The following TTYH2 variants were observed in gnomAD, a reference collection of about 807,000 sequenced individuals.
The protein encoded by TTYH2 is protein tweety homolog 2.
In TTYH2, 49 loss-of-function variants were observed where a neutral mutation model predicts 68.3. The observed-to-expected ratio is 0.72, with a 90% confidence interval of 0.57 to 0.91. The LOEUF (loss-of-function observed/expected upper bound fraction) is 0.91. TTYH2 is among the 40% of genes least tolerant of loss of function. The pLI is 0.00. For missense variants in TTYH2, 631 were observed against 700.4 expected (o/e 0.90, Z 1.12); for synonymous variants, 272 against 300.8 (o/e 0.90, Z 0.99).
intron 13 of TTYH2, among the ~76,000 whole-genome samples, chr17:74,259,056 G>A (rs2050721062): frequency 6.6e-6 from 1 of 152,056 alleles, no homozygotes; most frequent in Non-Finnish European, 1.5e-5. Context: ...TAGAGTGAAA[G>A]GCCCTCTCCA....
chr17:74,258,674 ATT>A, intron 13 of TTYH2, among the ~76,000 whole-genome samples: 1 of 151,644 alleles, frequency 6.6e-6, no homozygotes, highest in South Asian at 2.1e-4. Flanking sequence ...CCTCAGTGCT[ATT>A]GATGGGCAGC....
At chr17:74,252,419 T>G (rs1332702289) in intron 11 of TTYH2, 43 bp downstream of exon 11, 3 of 1,601,126 alleles carry the variant, frequency 1.9e-6, no homozygotes, top group Non-Finnish European at 2.6e-6. Context: ...CAGCCTGGAG[T>G]TCTGGGAGAG....
At position 74,222,566 on chromosome 17, in the gene TTYH2, T is replaced by C; in HGVS notation, c.211T>C (p.Cys71Arg). The C allele has an allele frequency of 2.5e-6, 4 of 1,612,754 alleles. No homozygotes were observed. Among genetic ancestry groups the C allele is most frequent in the Middle Eastern group, 3.3e-4 (2 of 6,060 alleles). The change falls in exon 2 of 14, where the codon TGC (cysteine) becomes CGC (arginine). Residue 71 changes from cysteine to arginine, a missense_variant. Cys to Arg is a radical substitution (Grantham distance 180). Coordinates refer to ENST00000269346, the MANE Select transcript of TTYH2 (RefSeq NM_032646.6). The surrounding 1 kb of genome is among the most constrained non-coding windows in gnomAD (Gnocchi z 5.2). ...IFLVAYLVCA[C>R]HCRRDDAVQT... ...CCTTGTGGCTTACCTGGTCTGTGCA[T>C]GCCACTGCCGGCGGGACGATGCGGT...
intron 6 of TTYH2, among the ~76,000 whole-genome samples, chr17:74,247,482 G>A (rs2050570849): frequency 6.6e-6 from 1 of 152,194 alleles, no homozygotes; most frequent in Non-Finnish European, 1.5e-5. Context: ...GCTCCAGGGT[G>A]GCCAAGGGGT....
intron 11 of TTYH2, among the ~76,000 whole-genome samples, chr17:74,252,715 G>A (rs992555271): frequency 1.3e-5 from 2 of 152,214 alleles, no homozygotes; most frequent in Non-Finnish European, 2.9e-5. Context: ...GGGTGCCCCA[G>A]GAATAGCAAG....
intron 9 of TTYH2, 35 bp from the exon 10 acceptor site, chr17:74,250,230 G>A (rs1184605929): frequency 2.6e-6 from 4 of 1,563,408 alleles, no homozygotes; most frequent in South Asian, 1.1e-5. Context: ...CTCCTCCACA[G>A]CCCCTCGGCC....
chr17:74,242,253 G>A lies in TTYH2; in HGVS notation c.636-1121G>A, dbSNP rs542815980. Among the ~76,000 whole-genome samples, 3 of 152,274 alleles carry A rather than the reference G, an allele frequency of 2.0e-5. No individual in the cohort carries two copies. The East Asian group carries it at 5.8e-4, about 29-fold the overall frequency. On this transcript the variant is annotated intron_variant, in intron 4 of 13. Transcript: ENST00000269346. ...CTTGGAGGAGGCTGGAGGTCTGCAG[G>A]GCTGTAGGTACCCTGACCTGGACTC... is the stretch of plus-strand genomic sequence containing the variant.
intron 12 of TTYH2, 73 bp downstream of exon 12, chr17:74,253,339 G>A: frequency 6.7e-7 from 1 of 1,489,816 alleles, no homozygotes; most frequent in Non-Finnish European, 8.9e-7. Flanking sequence ...CACAGTGCCG[G>A]GTGTGGGGAG....
intron 3 of TTYH2, 42 bp downstream of exon 3, chr17:74,231,041 C>T: frequency 6.3e-7 from 1 of 1,588,588 alleles, no homozygotes; most frequent in Non-Finnish European, 8.6e-7. Flanking sequence ...GCACAGCCCA[C>T]AAGGTCAGCG....
chr17:74,234,690 TAACTGTGAGAGAGTAG>T (rs141508353), intron 3 of TTYH2, among the ~76,000 whole-genome samples: 1,663 of 152,332 alleles, frequency 0.011, 35 homozygotes, highest in African/African-American at 0.036. Context: ...ATAGAGAAGT[TAACTGTGAGAGAGTAG>T]AACTGTGAGG....
rs575057099 is a variant in TTYH2 at position 74,215,912 on chromosome 17, C to T, written c.129+2196C>T. Among the ~76,000 whole-genome samples the T allele has an allele frequency of 5.3e-5, 8 of 152,296 alleles. No homozygotes were observed. In the South Asian group the frequency reaches 6.2e-4, roughly 12 times the overall value. On this transcript the variant is annotated intron_variant, in intron 1 of 13. Coordinates refer to ENST00000269346, the MANE Select transcript of TTYH2 (RefSeq NM_032646.6). This position sits in a 1 kb window ranked among gnomAD's most constrained non-coding sequence, Gnocchi z 4.3. ...AGGAGAAATTGCTGGGGATTTTCTG[C>T]GGCTGGGCTCTGGGCGCAGTGCTAT... is the stretch of plus-strand genomic sequence containing the variant.
intron 2 of TTYH2, among the ~76,000 whole-genome samples, chr17:74,225,380 G>A (rs1247086453): frequency 1.3e-5 from 2 of 152,138 alleles, no homozygotes; most frequent in African/African-American, 4.8e-5. Flanking sequence ...AAACCATGAA[G>A]CAACTCATAG....
In TTYH2 at chr17:74,260,181, G is replaced by A. The variant is rs374840519; in HGVS notation, c.1577G>A (p.Arg526Lys). The A allele has an allele frequency of 1.2e-6, 2 of 1,613,970 alleles. No individual in the cohort carries two copies. The highest frequency in any genetic ancestry group is 1.7e-6 in the Non-Finnish European group (2 of 1,179,910). ...TYLSVADEHL[R>K]HYGNQFPA ...CTGTCTGTGGCGGATGAGCACCTGA[G>A]GCACTACGGGAATCAGTTTCCAGCC... The change falls in exon 14 of 14, where the codon AGG becomes AAG. Residue 526 changes from arginine to lysine, a missense_variant. By Grantham distance (26) the Arg-to-Lys change is conservative (BLOSUM62 2). Transcript: ENST00000269346.
chr17:74,213,675 G>C lies in TTYH2; in HGVS notation c.88G>C (p.Val30Leu), dbSNP rs936750697. Residue 30 changes from valine to leucine, a missense_variant, in exon 1 of 14, where the codon GTG (valine) becomes CTG (leucine). By Grantham distance (32) the Val-to-Leu change is conservative. Coordinates refer to ENST00000269346, the MANE Select transcript of TTYH2 (RefSeq NM_032646.6). This position sits in a 1 kb window ranked among gnomAD's most constrained non-coding sequence, Gnocchi z 6.1. The part of the protein sequence containing the change: ...VPHVGLRLQP[V>L]NSTFSPGDES... The stretch of plus-strand genomic sequence containing the variant: ...GCACGTCGGCCTGCGCCTGCAGCCC[G>C]TGAACAGCACCTTCAGCCCCGGCGA... 3 of 1,612,438 alleles carry C rather than the reference G, an allele frequency of 1.9e-6. No homozygotes were observed. In the East Asian group the frequency reaches 6.7e-5, roughly 36 times the overall value.
rs572020712 is a variant in TTYH2, at chr17:74,253,413, C to T, written c.1445+147C>T. ...ACAGGGTGCCTGGAGGGAAGGCCCC[C>T]GGGGAGCATCTAGTCACCCCTCCAC... On this transcript the variant is annotated intron_variant, in intron 12 of 13. Transcript: ENST00000269346. 3.8e-4 allele frequency: 360 copies of T among 942,326 alleles called. No homozygotes were observed. In the African/African-American group the frequency reaches 4.9e-3, roughly 13 times the overall value. The allele number at this position is 942,326 out of a possible 1,614,324, so 58.4% of individuals were successfully genotyped here.
intron 2 of TTYH2, 75 bp from the exon 3 acceptor site, chr17:74,230,813 A>C: frequency 1.3e-6 from 2 of 1,498,858 alleles, no homozygotes; most frequent in Non-Finnish European, 1.8e-6. Context: ...CCCAACCCTA[A>C]GCTTATTTTT....
intron 1 of TTYH2, among the ~76,000 whole-genome samples, chr17:74,216,233 C>T (rs1053545018): frequency 5.9e-5 from 9 of 152,168 alleles, no homozygotes; most frequent in Non-Finnish European, 1.3e-4. Context: ...CTTCCACAGA[C>T]TCTGATTGGG....
intron 6 of TTYH2, among the ~76,000 whole-genome samples, chr17:74,245,438 G>A (rs370836705): frequency 2.6e-5 from 4 of 152,232 alleles, no homozygotes; most frequent in African/African-American, 4.8e-5. Flanking sequence ...GCCCCATCCC[G>A]CTTTCTGGGC....
rs770601893 is a variant in TTYH2 at position 74,260,242 on chromosome 17, G to A, written c.*33G>A. ...TCGGGGGTTCCTGCCTCCTTTTTCCGTTCTGGTTTTTAATTAGTGCAAATA... is the reference window on the plus strand; with the variant it reads ...TCGGGGGTTCCTGCCTCCTTTTTCCATTCTGGTTTTTAATTAGTGCAAATA... On this transcript the variant is annotated 3_prime_UTR_variant, in exon 14 of 14. Transcript: ENST00000269346. 64 of 1,605,846 alleles carry A rather than the reference G, an allele frequency of 4.0e-5. No homozygotes were observed. The East Asian group carries it at 7.1e-4, about 18-fold the overall frequency.
Sources: allele counts gnomAD v4.1 joint callset (sites outside exome capture counted in the v4.1 genomes callset), GRCh38; gene constraint gnomAD v4.1.1; non-coding constraint Gnocchi (gnomAD v3.1); transcripts MANE v1.5; gene names NCBI Gene and HGNC (gene_info 2026-07-23, HGNC 2026-07-21).